DLG2: variants seen among roughly 807,000 people sequenced by gnomAD.
DLG2 encodes the protein discs large MAGUK scaffold protein 2.
A neutral mutation model predicts 132.5 loss-of-function variants in DLG2; 45 were observed. The observed-to-expected ratio is 0.34, with a 90% confidence interval of 0.27 to 0.44. The LOEUF (loss-of-function observed/expected upper bound fraction) is 0.44. Among genes scored for constraint, DLG2 ranks in the 20% least tolerant of loss-of-function variants. DLG2 has a pLI of 1.00. For missense variants in DLG2, 1,045 were observed against 1,196.9 expected (o/e 0.87, Z 1.87); for synonymous variants, 424 against 419.6 (o/e 1.01, Z -0.13).
At chr11:84,977,071 G>A (rs974768758) in intron 6 of DLG2, among the ~76,000 whole-genome samples, 7 of 151,820 alleles carry the variant, frequency 4.6e-5, no homozygotes, top group Admixed American at 1.3e-4. Flanking sequence ...TGACAGAATC[G>A]TAATTCTGTT....
intron 6 of DLG2, among the ~76,000 whole-genome samples, chr11:85,085,016 C>T (rs964005970): frequency 2.6e-5 from 4 of 152,146 alleles, no homozygotes; most frequent in Admixed American, 1.3e-4. Flanking sequence ...GGTCTACCTA[C>T]CACTCACACT....
chr11:85,209,015 T>C (rs773011027), intron 4 of DLG2, among the ~76,000 whole-genome samples: 4 of 152,102 alleles, frequency 2.6e-5, no homozygotes, highest in Non-Finnish European at 4.4e-5. Context: ...CATGCACTGA[T>C]AATTGAGAGG....
intron 3 of DLG2, among the ~76,000 whole-genome samples, chr11:85,425,189 C>T (rs1375863507): frequency 6.6e-6 from 1 of 152,134 alleles, no homozygotes; most frequent in Admixed American, 6.5e-5. Context: ...TAAAGCAGAA[C>T]ATCTCAAAGA....
At chr11:85,477,709 T>C (rs528069613) in intron 3 of DLG2, among the ~76,000 whole-genome samples, 1 of 152,192 alleles carries the variant, frequency 6.6e-6, no homozygotes, top group Non-Finnish European at 1.5e-5. Context: ...CAAATTATTC[T>C]ATTTCTGTCA....
chr11:85,474,852 T>A (rs2093092123), intron 3 of DLG2, among the ~76,000 whole-genome samples: 1 of 151,586 alleles, frequency 6.6e-6, no homozygotes, highest in Non-Finnish European at 1.5e-5. Context: ...GACAGTGAAG[T>A]TTTAGAGTAG....
At chr11:84,168,810 A>AACAC (rs763826829) in intron 8 of DLG2, among the ~76,000 whole-genome samples, 45 of 115,812 alleles carry the variant, frequency 3.9e-4, no homozygotes, top group Non-Finnish European at 6.9e-4. Context: ...ACAGCAAATC[A>AACAC]ACACACACAC....
chr11:85,323,134 T>C (rs1048338515), intron 3 of DLG2, among the ~76,000 whole-genome samples: 2 of 152,236 alleles, frequency 1.3e-5, no homozygotes, highest in African/African-American at 4.8e-5. Context: ...TGGGTCACTG[T>C]GAGGAGCTGG....
chr11:85,357,704 TTATATA>T (rs58283704), intron 3 of DLG2, among the ~76,000 whole-genome samples: 251 of 106,056 alleles, frequency 2.4e-3, no homozygotes, highest in East Asian at 3.4e-3. Context: ...CTGTTCTGAA[TTATATA>T]TATATATATA....
At chr11:85,432,217 A>C (rs774480716) in intron 3 of DLG2, among the ~76,000 whole-genome samples, 2 of 152,212 alleles carry the variant, frequency 1.3e-5, no homozygotes, top group South Asian at 2.1e-4. Flanking sequence ...GAAGATGAGA[A>C]AGAATCAATG....
chr11:83,729,770 C>A (rs192487774), intron 18 of DLG2, among the ~76,000 whole-genome samples: 3 of 152,270 alleles, frequency 2.0e-5, no homozygotes, highest in Admixed American at 2.0e-4. Flanking sequence ...AATTGGCAGT[C>A]TTTGTGCATC....
At chr11:83,680,257 A>C (rs2078537213) in intron 18 of DLG2, among the ~76,000 whole-genome samples, 1 of 152,212 alleles carries the variant, frequency 6.6e-6, no homozygotes, top group Admixed American at 6.5e-5. Context: ...ATCAAAACCC[A>C]GATACTGCTG....
At chr11:84,613,774 A>G (rs573000688) in intron 6 of DLG2, among the ~76,000 whole-genome samples, 1 of 152,284 alleles carries the variant, frequency 6.6e-6, no homozygotes, top group African/African-American at 2.4e-5. Flanking sequence ...AAAACTTGCT[A>G]TCTCAAGTCA....
In DLG2 at chr11:83,743,625, C is replaced by G. The variant is rs2092703195; in HGVS notation, c.1825+43065G>C. 1.3e-5 allele frequency among the ~76,000 whole-genome samples: 2 copies of G among 151,696 alleles called. 1 individual carries two copies. The highest frequency in any genetic ancestry group is 4.2e-4 in the South Asian group (2 of 4,796). On this transcript the variant is annotated intron_variant, in intron 18 of 27. Transcript: ENST00000376104. The stretch of plus-strand genomic sequence containing the variant: ...ATTTTTGCATTTTCTGTAGAGATGG[C>G]ATTTCACTATGTTGCCCAGGCTGGT...
chr11:85,372,389 C>A (rs1237657423), intron 3 of DLG2, among the ~76,000 whole-genome samples: 4 of 152,198 alleles, frequency 2.6e-5, no homozygotes, highest in Non-Finnish European at 4.4e-5. Context: ...AGTTCCACAG[C>A]TTTACTTAGC....
chr11:84,248,984 G>A (rs938675528), intron 8 of DLG2, among the ~76,000 whole-genome samples: 10 of 152,168 alleles, frequency 6.6e-5, no homozygotes, highest in African/African-American at 1.2e-4. Flanking sequence ...TGTTATTTGC[G>A]ACTCATTTTA....
chr11:84,059,602 A>G (rs906633034), intron 10 of DLG2, 118 bp from the exon 11 acceptor site: 1 of 842,158 alleles, frequency 1.2e-6, no homozygotes, highest in Non-Finnish European at 1.7e-6. Flanking sequence ...AAATTTTAAA[A>G]TATTTAAATT....
intron 7 of DLG2, among the ~76,000 whole-genome samples, chr11:84,417,494 G>A (rs488925): frequency 0.12 from 18,792 of 151,884 alleles, 1,255 homozygotes; most frequent in African/African-American, 0.17. Context: ...GTCCCTCATC[G>A]GTACTTTCCT....
In DLG2 at chr11:85,598,734, G is replaced by T; in HGVS notation, c.-38C>A. On this transcript the variant is annotated 5_prime_UTR_variant, in exon 3 of 28. Transcript: ENST00000376104. Reference sequence around the variant, plus strand: ...CGCATTTTTCAACAGCTGCTCCTCTGGTTTCCTTAATTTTTTGCAGTATTC... The same window carrying T: ...CGCATTTTTCAACAGCTGCTCCTCTTGTTTCCTTAATTTTTTGCAGTATTC... The T allele has an allele frequency of 6.4e-7, 1 of 1,559,760 alleles. No homozygotes were observed. The highest frequency in any genetic ancestry group is 8.7e-7 in the Non-Finnish European group (1 of 1,155,560).
chr11:83,469,176 G>A (rs750733008), intron 25 of DLG2, 25 bp downstream of exon 25: 21 of 1,556,320 alleles, frequency 1.3e-5, no homozygotes, highest in Non-Finnish European at 1.8e-5. Context: ...CTTCAGGGGA[G>A]GTGTAAGAAG....
Sources: gnomAD v4.1 joint callset for allele counts (sites outside exome capture counted in the v4.1 genomes callset) on GRCh38, gnomAD v4.1.1 for gene constraint, MANE v1.5 for transcripts, NCBI Gene and HGNC (gene_info 2026-07-23, HGNC 2026-07-21) for gene names.